Variants in NFIC observed in about 807,000 individuals in gnomAD.
The protein encoded by NFIC is nuclear factor I C.
NFIC carries 12 observed loss-of-function variants against 54.4 expected under a neutral mutation model. The observed-to-expected ratio is 0.22, with a 90% CI of 0.14 to 0.36. The LOEUF (loss-of-function observed/expected upper bound fraction) is 0.36. Ranked by LOEUF, NFIC falls within the 10% of genes least tolerant of loss-of-function variation. The pLI is 1.00. For missense variants in NFIC, 575 were observed against 718.2 expected (o/e 0.80, Z 2.28); for synonymous variants, 322 against 319.2 (o/e 1.01, Z -0.09).
intron 2 of NFIC, among the ~76,000 whole-genome samples, chr19:3,403,839 G>A (rs1351819119): frequency 1.4e-5 from 2 of 146,974 alleles, no homozygotes; most frequent in Non-Finnish European, 3.0e-5. Context: ...CCCCCGCCGC[G>A]CCCGGCTGCC....
At chr19:3,462,022 C>T (rs972564311) in intron 10 of NFIC, among the ~76,000 whole-genome samples, 3 of 151,538 alleles carry the variant, frequency 2.0e-5, no homozygotes, top group Non-Finnish European at 4.4e-5. Flanking sequence ...CCACTGCACT[C>T]CAGCCTGGCA....
upstream of NFIC, among the ~76,000 whole-genome samples, chr19:3,362,276 A>G (rs1461562188): frequency 5.9e-5 from 9 of 151,516 alleles, no homozygotes; most frequent in African/African-American, 2.2e-4. Context: ...GTGATTGTGG[A>G]CAAGTGCCCA....
At chr19:3,422,176 A>G (rs1027662866) in intron 2 of NFIC, among the ~76,000 whole-genome samples, 7 of 152,036 alleles carry the variant, frequency 4.6e-5, no homozygotes, top group African/African-American at 1.7e-4. Context: ...GCTCAAAGTG[A>G]TCTGCCCGCC....
chr19:3,382,008 C>G lies in NFIC; in HGVS notation c.327C>G (p.Pro109=). The change falls in exon 2 of 11, where the codon CCC becomes CCG. Residue 109 remains proline (P), a synonymous_variant. Coordinates refer to ENST00000443272, the MANE Select transcript of NFIC (RefSeq NM_001245002.2). ...KKAPGCVLSN[P]DQKGKMRRID... is the part of the protein sequence containing the mutation. ...CGCCGGGCTGCGTGCTCTCCAACCC[C>G]GACCAGAAGGGCAAGATGCGGCGCA... 3 of 1,613,582 alleles carry G rather than the reference C, an allele frequency of 1.9e-6. No individual in the cohort carries two copies. The highest frequency in any genetic ancestry group is 2.5e-6 in the Non-Finnish European group (3 of 1,179,934).
chr19:3,378,921 T>A (rs1008837881), intron 1 of NFIC, among the ~76,000 whole-genome samples: 2 of 152,160 alleles, frequency 1.3e-5, no homozygotes, highest in African/African-American at 4.8e-5. Context: ...GAATCTCTTA[T>A]CTTTTGATGC....
At chr19:3,427,660 C>T (rs914459680) in intron 3 of NFIC, among the ~76,000 whole-genome samples, 3 of 150,988 alleles carry the variant, frequency 2.0e-5, no homozygotes, top group Non-Finnish European at 2.9e-5. Context: ...GAAACCGTCT[C>T]TACTAAAAAT....
In NFIC at chr19:3,463,667, C is replaced by T. The variant is rs1302230903; in HGVS notation, c.*898C>T. On this transcript the variant is annotated 3_prime_UTR_variant, in exon 11 of 11. Transcript: ENST00000443272. ...GCATAGGAGGCCCCCCCACCTCGCC[C>T]GGCTCACACCCCCAAAGGGAGGGAC... 1.1e-5 allele frequency: 11 copies of T among 982,808 alleles called. No individual in the cohort carries two copies. Among genetic ancestry groups the T allele is most frequent in the Non-Finnish European group, 1.3e-5 (11 of 828,384 alleles). 60.9% of individuals were successfully genotyped at this position (982,808 alleles called of 1,614,324 possible). A position where few individuals can be genotyped will look rare whatever the true frequency, so the allele number is the denominator to read the frequency against.
intron 1 of NFIC, among the ~76,000 whole-genome samples, chr19:3,368,225 A>G (rs559696413): frequency 4.6e-5 from 7 of 152,238 alleles, no homozygotes; most frequent in Admixed American, 4.6e-4. Flanking sequence ...GGAAGGAGCC[A>G]TTTGGGAGGG....
Position 3,469,099 on chromosome 19 carries a change from A to C in NFIC, c.*6330A>C, listed in dbSNP as rs1001982762. The C allele has an allele frequency of 1.5e-4, 23 of 148,558 alleles. No individual in the cohort carries two copies. The highest frequency in any genetic ancestry group is 5.9e-4 in the African/African-American group (23 of 39,278). The allele number at this position is 148,558 out of a possible 1,614,324, so 9.2% of individuals were successfully genotyped here. ...TATTTTGTTTATTTGTTCCCTATGC[A>C]AAAAAAAAATGAAAATGAAAAAAGG... On this transcript the variant is annotated 3_prime_UTR_variant, in exon 11 of 11. Coordinates refer to ENST00000443272, the MANE Select transcript of NFIC (RefSeq NM_001245002.2).
At chr19:3,433,645 A>T in intron 4 of NFIC, 53 bp downstream of exon 4, 1 of 1,580,214 alleles carries the variant, frequency 6.3e-7, no homozygotes, top group Non-Finnish European at 8.7e-7. Context: ...AGGGGGCCGC[A>T]GGGAGGAAGG....
In NFIC at chr19:3,463,148, C is replaced by A; in HGVS notation, c.*379C>A. 9.1e-7 allele frequency: 1 copy of A among 1,102,290 alleles called. No homozygotes were observed. The highest frequency in any genetic ancestry group is 1.1e-6 in the Non-Finnish European group (1 of 904,556). 68.3% of individuals were successfully genotyped at this position (1,102,290 alleles called of 1,614,324 possible). ...CTCTCCGCCTGCTGCTCGGGAAGGA[C>A]AGACGCCGGCCGCCCGCCCGCGCCC... On this transcript the variant is annotated 3_prime_UTR_variant, in exon 11 of 11. Transcript: ENST00000443272.
At chr19:3,362,888 G>C (rs1568391502), upstream of NFIC, among the ~76,000 whole-genome samples, 2 of 152,084 alleles carry the variant, frequency 1.3e-5, no homozygotes, top group Admixed American at 6.6e-5. Context: ...TGTGGTGGCT[G>C]TGGGGTTACC....
At chr19:3,439,526 C>T (rs1460774441) in intron 6 of NFIC, among the ~76,000 whole-genome samples, 1 of 150,332 alleles carries the variant, frequency 6.7e-6, no homozygotes, top group Non-Finnish European at 1.5e-5. Flanking sequence ...CCTGTAATCC[C>T]AGCTACTCGG....
At chr19:3,461,300 G>A (rs914384170) in intron 10 of NFIC, among the ~76,000 whole-genome samples, 5 of 151,748 alleles carry the variant, frequency 3.3e-5, no homozygotes, top group Non-Finnish European at 5.9e-5. Context: ...GAACATACCT[G>A]TGGTCCCAGC....
intron 2 of NFIC, among the ~76,000 whole-genome samples, chr19:3,382,565 G>A (rs1284575188): frequency 6.6e-6 from 1 of 151,578 alleles, no homozygotes; most frequent in African/African-American, 2.4e-5. Flanking sequence ...GGTGGTCCAG[G>A]CAGGGCAGCA....
chr19:3,362,784 CT>C (rs147273860), upstream of NFIC, among the ~76,000 whole-genome samples: 12,503 of 152,142 alleles, frequency 0.082, 675 homozygotes, highest in Non-Finnish European at 0.12. Flanking sequence ...TTGTGAGCCC[CT>C]TGCTGAGCAG....
At chr19:3,424,042 T>G (rs930414382) in intron 2 of NFIC, among the ~76,000 whole-genome samples, 6 of 152,176 alleles carry the variant, frequency 3.9e-5, no homozygotes, top group Non-Finnish European at 7.3e-5. Context: ...TTTTATTTAT[T>G]TTGAGACGGA....
In NFIC at chr19:3,372,707, T is replaced by TGG. The variant is rs200447461; in HGVS notation, c.30+6044_30+6045dup. Among the ~76,000 whole-genome samples, 679 of 88,600 alleles carry TGG rather than the reference T, an allele frequency of 7.7e-3. 38 individuals carry two copies. The highest frequency in any genetic ancestry group is 0.024 in the African/African-American group (546 of 22,782). 58.1% of individuals were successfully genotyped at this position (88,600 alleles called of 152,430 possible). On this transcript the variant is annotated intron_variant, in intron 1 of 10. Transcript: ENST00000443272. ...ACTGTTTGCTCAAGGGGCCCAGGAG[T>TGG]GGGGTGGGGGGGTGCCAGGAGGCCC...
chr19:3,449,314 C>T (rs1366930336), intron 7 of NFIC, among the ~76,000 whole-genome samples, 175 bp downstream of exon 7: 7 of 152,120 alleles, frequency 4.6e-5, no homozygotes, highest in African/African-American at 4.8e-5. Flanking sequence ...TGTTCCAGCC[C>T]GGCTGAGAGG....
Sources: gnomAD v4.1 joint callset for allele counts (sites outside exome capture counted in the v4.1 genomes callset) on GRCh38, gnomAD v4.1.1 for gene constraint, MANE v1.5 for transcripts, NCBI Gene and HGNC (gene_info 2026-07-23, HGNC 2026-07-21) for gene names.